SLIT1: variants seen among roughly 807,000 people sequenced by gnomAD.
The protein encoded by SLIT1 is slit homolog 1 protein.
In SLIT1, 66 loss-of-function variants were observed where a neutral mutation model predicts 186.1. The ratio of observed to expected loss-of-function variants is 0.35; its 90% confidence interval spans 0.29 to 0.44. The LOEUF (loss-of-function observed/expected upper bound fraction) is 0.44. Among genes scored for constraint, SLIT1 ranks in the 20% least tolerant of loss-of-function variants. The pLI, the probability that SLIT1 is intolerant of heterozygous loss-of-function variation, is 1.00. For missense variants in SLIT1, 1,638 were observed against 2,037.4 expected (o/e 0.80, Z 3.77); for synonymous variants, 761 against 833.8 (o/e 0.91, Z 1.50).
At chr10:97,113,904 G>A (rs760249059) in intron 4 of SLIT1, among the ~76,000 whole-genome samples, 2 of 152,294 alleles carry the variant, frequency 1.3e-5, no homozygotes, top group Non-Finnish European at 1.5e-5. Flanking sequence ...GCCTGACCTG[G>A]TATAAAGACA....
intron 4 of SLIT1, among the ~76,000 whole-genome samples, chr10:97,119,108 T>C (rs11189008): frequency 0.33 from 50,187 of 152,106 alleles, 9,466 homozygotes; most frequent in African/African-American, 0.53. Context: ...GTGTTCTAGC[T>C]TGGGAAACGG....
chr10:97,081,424 G>A (rs1362532221), intron 4 of SLIT1, among the ~76,000 whole-genome samples: 2 of 152,158 alleles, frequency 1.3e-5, no homozygotes, highest in Non-Finnish European at 2.9e-5. Flanking sequence ...TGGGTCCCTG[G>A]GGCATTTCCA....
At chr10:97,094,774 A>G (rs1849269638) in intron 4 of SLIT1, among the ~76,000 whole-genome samples, 1 of 152,212 alleles carries the variant, frequency 6.6e-6, no homozygotes, top group African/African-American at 2.4e-5. Flanking sequence ...GAGGGCATGA[A>G]TATCTTTGAA....
At chr10:97,154,944 T>A (rs145489009) in intron 4 of SLIT1, 75 of 152,288 alleles carry the variant, frequency 4.9e-4, no homozygotes, top group African/African-American at 1.7e-3. Context: ...TCATCCTGAC[T>A]CTCGGGAAGT....
rs2134598733 is a variant in SLIT1, at chr10:97,018,979, T to A, written c.2871+4A>T. On this transcript the variant is annotated splice_donor_region_variant and intron_variant, in intron 27 of 36. Coordinates refer to ENST00000266058, the MANE Select transcript of SLIT1 (RefSeq NM_003061.3). ...CCTCCTCCCCGGCCTCTGCCTCCAC[T>A]CACCTTATAGCCGCTGGGGCAGGCG... 1 of 1,590,390 alleles carries A rather than the reference T, an allele frequency of 6.3e-7. No homozygotes were observed. Among genetic ancestry groups the A allele is most frequent in the East Asian group, 2.2e-5 (1 of 44,742 alleles).
In SLIT1 at chr10:97,042,015, G is replaced by A. The variant is rs1211933402; in HGVS notation, c.2164+886C>T. On this transcript the variant is annotated intron_variant, in intron 20 of 36. Coordinates refer to ENST00000266058, the MANE Select transcript of SLIT1 (RefSeq NM_003061.3). ...TTATATAAATTAATAAAATATATAT[G>A]TAAATAGTATAGACTCTTTTTTAAA... Among the ~76,000 whole-genome samples, 3 of 152,058 alleles carry A rather than the reference G, an allele frequency of 2.0e-5. No homozygotes were observed. The East Asian group carries it at 5.8e-4, about 29-fold the overall frequency.
At chr10:97,118,718 C>T (rs914807936) in intron 4 of SLIT1, among the ~76,000 whole-genome samples, 5 of 152,194 alleles carry the variant, frequency 3.3e-5, no homozygotes, top group African/African-American at 1.2e-4. Context: ...CTGTCACACA[C>T]TAGCCACGTA....
chr10:97,179,043 C>T (rs949268399), intron 1 of SLIT1, among the ~76,000 whole-genome samples: 1 of 152,114 alleles, frequency 6.6e-6, no homozygotes, highest in Admixed American at 6.5e-5. Context: ...ACCCTCGCTT[C>T]GCCTCGCTAC....
rs1589378211 is a variant in SLIT1, at chr10:97,059,696, C to T, written c.1014-165G>A. 18 of 663,386 alleles carry T rather than the reference C, an allele frequency of 2.7e-5. No individual in the cohort carries two copies. The East Asian group carries it at 4.6e-4, about 17-fold the overall frequency. The allele number at this position is 663,386 out of a possible 1,614,324, so 41.1% of individuals were successfully genotyped here. ...CCTCCATTTGAAAAGCCCATGGCCG[C>T]TATTTCCCTGTGCAGTCTGAGGGCT... On this transcript the variant is annotated intron_variant, in intron 10 of 36. Coordinates refer to ENST00000266058, the MANE Select transcript of SLIT1 (RefSeq NM_003061.3).
chr10:97,181,483 C>T (rs1002600466), intron 1 of SLIT1, among the ~76,000 whole-genome samples: 1 of 152,204 alleles, frequency 6.6e-6, no homozygotes, highest in East Asian at 1.9e-4. Flanking sequence ...GAGGGCCTCC[C>T]AGGCCTCTAC....
intron 27 of SLIT1, 34 bp downstream of exon 27, chr10:97,018,949 G>T: frequency 7.4e-7 from 1 of 1,360,302 alleles, no homozygotes; most frequent in Non-Finnish European, 1.0e-6. Context: ...TACACGAAGA[G>T]CCCTCCTCCT....
intron 4 of SLIT1, among the ~76,000 whole-genome samples, chr10:97,079,777 T>C (rs1179598426): frequency 2.0e-5 from 3 of 152,160 alleles, no homozygotes; most frequent in African/African-American, 4.8e-5. Flanking sequence ...CAGGTGAAGA[T>C]GCTGCATCTT....
chr10:97,151,678 C>A (rs942695232), intron 4 of SLIT1, among the ~76,000 whole-genome samples: 13 of 152,028 alleles, frequency 8.6e-5, no homozygotes, highest in African/African-American at 3.1e-4. Flanking sequence ...TTTGGCTTAG[C>A]CCCTTGGATG....
chr10:97,090,389 G>A (rs529918457), intron 4 of SLIT1, among the ~76,000 whole-genome samples: 2 of 151,876 alleles, frequency 1.3e-5, no homozygotes, highest in South Asian at 2.1e-4. Context: ...GCCGTGAGGT[G>A]GGCAAGAGCT....
chr10:97,012,499 G>A (rs746352571), intron 30 of SLIT1, among the ~76,000 whole-genome samples: 3 of 152,196 alleles, frequency 2.0e-5, no homozygotes, highest in Non-Finnish European at 4.4e-5. Context: ...CCCCGGGTCC[G>A]GAGCTAAGCA....
chr10:97,055,231 A>G (rs767215575), intron 13 of SLIT1, among the ~76,000 whole-genome samples: 2 of 152,196 alleles, frequency 1.3e-5, no homozygotes, highest in Admixed American at 6.5e-5. Flanking sequence ...AACAAAAAAC[A>G]ATCAAAAAAA....
chr10:97,059,421 G>A, intron 11 of SLIT1, 39 bp downstream of exon 11: 1 of 1,553,066 alleles, frequency 6.4e-7, no homozygotes, highest in South Asian at 1.1e-5. Context: ...CTCAGGGGAT[G>A]CCCTGGGCCA....
chr10:97,175,045 G>A (rs1850238123), intron 1 of SLIT1, among the ~76,000 whole-genome samples: 2 of 152,174 alleles, frequency 1.3e-5, no homozygotes, highest in Non-Finnish European at 2.9e-5. Context: ...ATGCTACAGA[G>A]TTCCCCCATT....
In SLIT1 at chr10:97,002,748, G is replaced by A. The variant is rs1848322640; in HGVS notation, c.4110C>T (p.Gly1370=). ...PMCHCEAGWV[G]LHCDQPADGP... is the part of the protein sequence containing the mutation. ...CGTCAGCGGGCTGGTCACAGTGCAGGCCCACCCAGCCAGCCTCGCAGTGGC... is the reference window on the plus strand; with the variant it reads ...CGTCAGCGGGCTGGTCACAGTGCAGACCCACCCAGCCAGCCTCGCAGTGGC... The change falls in exon 35 of 37, where the codon GGC becomes GGT. Residue 1370 remains glycine, a synonymous_variant. Transcript: ENST00000266058. 6 of 1,608,576 alleles carry A rather than the reference G, an allele frequency of 3.7e-6. No individual in the cohort carries two copies. The highest frequency in any genetic ancestry group is 2.2e-5 in the South Asian group (2 of 90,706).
Sources: allele counts gnomAD v4.1 joint callset (sites outside exome capture counted in the v4.1 genomes callset), GRCh38; gene constraint gnomAD v4.1.1; transcripts MANE v1.5; gene names NCBI Gene and HGNC (gene_info 2026-07-23, HGNC 2026-07-21).